The following ARMCX4 variants were observed in gnomAD, a reference collection of about 807,000 sequenced individuals.
The protein encoded by ARMCX4 is armadillo repeat-containing X-linked protein 4.
ARMCX4 carries 3 observed loss-of-function variants against 34.7 expected under a neutral mutation model. That is an observed-to-expected ratio of 0.09 (90% confidence interval 0.04 to 0.22). The LOEUF (loss-of-function observed/expected upper bound fraction) is 0.22. Among genes scored for constraint, ARMCX4 ranks in the 10% least tolerant of loss-of-function variants. ARMCX4 has a pLI of 1.00. For missense variants in ARMCX4, 1,448 were observed against 1,720.8 expected (o/e 0.84, Z 2.81); for synonymous variants, 513 against 632.8 (o/e 0.81, Z 2.84).
chrX:101,513,769 A>G (rs993631368), intron 11 of ARMCX4, among the ~76,000 whole-genome samples: 1 of 110,730 alleles, frequency 9.0e-6, no homozygotes, highest in Admixed American at 9.6e-5. Context: ...GGTGACCTAC[A>G]CCTTCATTCC....
chrX:101,534,528 A>T (rs1233449350), downstream of ARMCX4, among the ~76,000 whole-genome samples: 1 of 111,546 alleles, frequency 9.0e-6, no homozygotes, highest in East Asian at 2.8e-4. Context: ...GAAAGAAAAG[A>T]TAACAGATTA....
Position 101,490,142 on chromosome X carries a change from G to C in ARMCX4, c.1553G>C (p.Gly518Ala), listed in dbSNP as rs1556008258. The change falls in exon 6 of 6, where the codon GGT (glycine) becomes GCT (alanine). Residue 518 changes from glycine (G) to alanine (A), a missense_variant. Physicochemically the swap from Gly to Ala is moderately conservative, Grantham distance 60 (BLOSUM62 0). Coordinates refer to ENST00000423738, the MANE Select transcript of ARMCX4 (RefSeq NM_001256155.3). ...MKAQGMAQSQ[G>A]EALPNTRGKA... ...GCTCAAGGTATGGCCCAGAGCCAGG[G>C]TGAAGCCTTACCTAATACTAGAGGT... 1 of 1,156,050 alleles carries C rather than the reference G, an allele frequency of 8.7e-7. No individual in the cohort carries two copies. Among genetic ancestry groups the C allele is most frequent in the African/African-American group, 1.8e-5 (1 of 56,375 alleles).
downstream of ARMCX4, among the ~76,000 whole-genome samples, chrX:101,496,449 T>C (rs782798189): frequency 3.9e-4 from 43 of 110,903 alleles, no homozygotes; most frequent in Admixed American, 2.4e-3. Context: ...AAGGAGAGGA[T>C]GGACGTGAGA....
chrX:101,492,707 G>C lies in ARMCX4; in HGVS notation c.4118G>C (p.Ser1373Thr), dbSNP rs61736018. The change falls in exon 6 of 6, where the codon AGT becomes ACT. Residue 1373 changes from serine (S) to threonine (T), a missense_variant. This residue lies in a region of ARMCX4 where 1,343 missense variants were observed against 1,540.7 expected (regional missense o/e 0.87). Transcript: ENST00000423738. ...AGGCTGGGCCACGTAGATCAGTCCA[G>C]TGGTGGGGCCTGGGCTGGGACACTT... ...GSRLGHVDQS[S>T]GGAWAGTLDQ... The C allele has an allele frequency of 0.063, 71,656 of 1,139,150 alleles. 4,904 individuals are homozygous for C. The highest frequency in any genetic ancestry group is 0.44 in the African/African-American group (23,484 of 53,153). 93.9% of individuals were successfully genotyped at this position (1,139,150 alleles called of 1,213,427 possible). A position where few individuals can be genotyped will look rare whatever the true frequency, so the allele number is the denominator to read the frequency against.
At chrX:101,513,572 T>C (rs1161412175) in intron 11 of ARMCX4, among the ~76,000 whole-genome samples, 1 of 112,165 alleles carries the variant, frequency 8.9e-6, no homozygotes, top group East Asian at 2.8e-4. Flanking sequence ...ACAAAGATGT[T>C]TGCTATATAC....
Position 101,492,584 on chromosome X carries a change from C to A in ARMCX4, c.3995C>A (p.Ala1332Asp). 8.8e-7 allele frequency: 1 copy of A among 1,130,807 alleles called. No individual in the cohort carries two copies. The allele number at this position is 1,130,807 out of a possible 1,213,427, so 93.2% of individuals were successfully genotyped here. A position where few individuals can be genotyped will look rare whatever the true frequency, so the allele number is the denominator to read the frequency against. Residue 1332 changes from alanine (A) to aspartate (D), a missense_variant, in exon 6 of 6, where the codon GCT becomes GAT. Transcript: ENST00000423738. The stretch of plus-strand genomic sequence containing the variant: ...AGTGGAGAAGGGTCCTGGGCTGGGG[C>A]TGGTGGCCAGGCTAGTGGAGGGTCA... The part of the protein sequence containing the change: ...QASGEGSWAG[A>D]GGQASGGSML...
intron 2 of ARMCX4, among the ~76,000 whole-genome samples, chrX:101,432,071 T>C (rs551033671): frequency 8.9e-6 from 1 of 112,571 alleles, no homozygotes; most frequent in Non-Finnish European, 1.9e-5. Flanking sequence ...AATTACTCTT[T>C]TAAAAATTGA....
At chrX:101,517,563 C>T (rs1450745839) in intron 11 of ARMCX4, among the ~76,000 whole-genome samples, 1 of 111,491 alleles carries the variant, frequency 9.0e-6, no homozygotes, top group Admixed American at 9.6e-5. Context: ...GGGTGAGCCA[C>T]CACACTTGGC....
rs1556009938 is a variant in ARMCX4, at chrX:101,492,674, G to A, written c.4085G>A (p.Gly1362Glu). ...SWADTADQASGGSRLGHVDQS... is the reference protein window; with the variant it reads ...SWADTADQASEGSRLGHVDQS... Reference sequence around the variant, plus strand: ...GCTGACACTGCAGACCAAGCCAGTGGAGGGTCTAGGCTGGGCCACGTAGAT... The same window carrying A: ...GCTGACACTGCAGACCAAGCCAGTGAAGGGTCTAGGCTGGGCCACGTAGAT... The change falls in exon 6 of 6, where the codon GGA becomes GAA. Residue 1362 changes from glycine (G) to glutamate (E), a missense_variant. Coordinates refer to ENST00000423738, the MANE Select transcript of ARMCX4 (RefSeq NM_001256155.3). The A allele has an allele frequency of 8.9e-7, 1 of 1,121,460 alleles. No homozygotes were observed. The highest frequency in any genetic ancestry group is 2.7e-5 in the Admixed American group (1 of 37,105). 92.4% of individuals were successfully genotyped at this position (1,121,460 alleles called of 1,213,427 possible).
chrX:101,445,435 T>G (rs1931567603), intron 3 of ARMCX4, among the ~76,000 whole-genome samples: 1 of 111,800 alleles, frequency 8.9e-6, no homozygotes, highest in African/African-American at 3.3e-5. Context: ...TTCACAGGGC[T>G]TGGCCTTGGC....
chrX:101,500,842 T>C (rs1212617318), intron 7 of ARMCX4, among the ~76,000 whole-genome samples: 1 of 111,756 alleles, frequency 8.9e-6, no homozygotes, highest in East Asian at 2.8e-4. Flanking sequence ...TCGAACATCC[T>C]TCAGAATATA....
At chrX:101,428,340 C>T (rs1363286170) in intron 2 of ARMCX4, among the ~76,000 whole-genome samples, 2 of 112,009 alleles carry the variant, frequency 1.8e-5, no homozygotes, top group East Asian at 5.5e-4. Flanking sequence ...AATTAATATA[C>T]ATTTTCAGTA....
In ARMCX4 at chrX:101,490,777, G is replaced by C. The variant is rs1253312854; in HGVS notation, c.2188G>C (p.Gly730Arg). The C allele has an allele frequency of 1.6e-5, 18 of 1,149,127 alleles. No individual in the cohort carries two copies. Among genetic ancestry groups the C allele is most frequent in the Non-Finnish European group, 1.8e-5 (16 of 871,013 alleles). 94.7% of individuals were successfully genotyped at this position (1,149,127 alleles called of 1,213,427 possible). A position where few individuals can be genotyped will look rare whatever the true frequency, so the allele number is the denominator to read the frequency against. The stretch of plus-strand genomic sequence containing the variant: ...GCCTGGTGCCAAGAATAAGATCAGA[G>C]GCAATCCCACTACTGTGCCTAATTC... ...VLPGAKNKIRGNPTTVPNSGV... is the reference protein window; with the variant it reads ...VLPGAKNKIRRNPTTVPNSGV... Residue 730 changes from glycine (G) to arginine (R), a missense_variant, in exon 6 of 6, where the codon GGC (glycine) becomes CGC (arginine). Gly to Arg is a moderately radical substitution (Grantham distance 125). Coordinates refer to ENST00000423738, the MANE Select transcript of ARMCX4 (RefSeq NM_001256155.3).
intron 2 of ARMCX4, among the ~76,000 whole-genome samples, chrX:101,433,212 G>A (rs781823774): frequency 1.4e-4 from 4 of 28,018 alleles, no homozygotes; most frequent in East Asian, 8.3e-4. Flanking sequence ...GTGCATATAC[G>A]CACATATATA....
chrX:101,506,695 C>T (rs1934458248), intron 8 of ARMCX4, among the ~76,000 whole-genome samples: 1 of 111,169 alleles, frequency 9.0e-6, no homozygotes, highest in Non-Finnish European at 1.9e-5. Flanking sequence ...GTGAATTTTG[C>T]GGGGACACAA....
Position 101,531,102 on chromosome X carries a change from C to G in ARMCX4, c.*1781-542C>G, listed in dbSNP as rs1935119091. 3.6e-5 allele frequency among the ~76,000 whole-genome samples: 4 copies of G among 111,535 alleles called. No homozygotes were observed. In the Admixed American group the frequency reaches 3.8e-4, roughly 11 times the overall value. On this transcript the variant is annotated intron_variant and NMD_transcript_variant, in intron 11 of 12. Transcript: ENST00000354842. ...TGGAGAATCTATTTCCTTGCATTGT[C>G]CAGCTTCTACAGGCGGCCTGAATTC...
At chrX:101,424,152 C>T (rs73561156) in intron 2 of ARMCX4, among the ~76,000 whole-genome samples, 5,567 of 111,038 alleles carry the variant, frequency 0.05, 355 homozygotes, top group African/African-American at 0.18. Flanking sequence ...CGTGAGCCAC[C>T]GTGCCTGGCT....
At position 101,493,715 on chromosome X, in the gene ARMCX4, C is replaced by T. The variant is rs183191360; in HGVS notation, c.5126C>T (p.Ser1709Phe). Residue 1709 changes from serine to phenylalanine, a missense_variant, in exon 6 of 6, where the codon TCC becomes TTC. Coordinates refer to ENST00000423738, the MANE Select transcript of ARMCX4 (RefSeq NM_001256155.3). ...TCTGAGGACCAGGCCACTGGAGGAT[C>T]CTGGGCTAGATCTGAGGACCAGGCC... The part of the protein sequence containing the change: ...MGSEDQATGG[S>F]WARSEDQASG... 21 of 1,150,647 alleles carry T rather than the reference C, an allele frequency of 1.8e-5. No homozygotes were observed. The Admixed American group carries it at 4.7e-4, about 26-fold the overall frequency. The allele number at this position is 1,150,647 out of a possible 1,213,427, so 94.8% of individuals were successfully genotyped here.
In ARMCX4 at chrX:101,490,369, G is replaced by A. The variant is rs1933924076; in HGVS notation, c.1780G>A (p.Ala594Thr). Residue 594 changes from alanine to threonine, a missense_variant, in exon 6 of 6, where the codon GCC becomes ACC. Physicochemically the swap from Ala to Thr is moderately conservative, Grantham distance 58. Coordinates refer to ENST00000423738, the MANE Select transcript of ARMCX4 (RefSeq NM_001256155.3). ...QRVCGQPLVV[A>T]NPQGEALPGA... The stretch of plus-strand genomic sequence containing the variant: ...GGTCTGTGGTCAGCCCCTGGTTGTG[G>A]CCAATCCCCAGGGTGAGGCCTTGCC... The A allele has an allele frequency of 8.6e-7, 1 of 1,156,139 alleles. No individual in the cohort carries two copies.
Sources: allele counts gnomAD v4.1 joint callset (sites outside exome capture counted in the v4.1 genomes callset), GRCh38; gene constraint gnomAD v4.1.1; regional missense constraint gnomAD v4.1.1; transcripts MANE v1.5; gene names NCBI Gene and HGNC (gene_info 2026-07-23, HGNC 2026-07-21).